Variants in KCNH1 observed in about 807,000 individuals in gnomAD.
The protein encoded by KCNH1 is potassium voltage-gated channel subfamily H member 1.
KCNH1 carries 27 observed loss-of-function variants against 69.2 expected under a neutral mutation model. The ratio of observed to expected loss-of-function variants is 0.39; its 90% CI spans 0.29 to 0.54. The LOEUF (loss-of-function observed/expected upper bound fraction) is 0.54, where lower values mean the gene tolerates loss of function less well. KCNH1 is among the 20% of genes least tolerant of loss of function. KCNH1 has a pLI of 0.68. For synonymous variants in KCNH1, 456 were observed against 487.7 expected (o/e 0.93, Z 0.86); for missense variants, 798 against 1,261.6 (o/e 0.63, Z 5.57).
intron 7 of KCNH1, among the ~76,000 whole-genome samples, chr1:210,834,261 A>G (rs941436907): frequency 6.0e-5 from 9 of 151,036 alleles, no homozygotes; most frequent in Non-Finnish European, 1.2e-4. Context: ...CACTATTCAC[A>G]ATAGCAAAGA....
chr1:211,035,335 G>A (rs1025637823), intron 5 of KCNH1, among the ~76,000 whole-genome samples: 4 of 129,128 alleles, frequency 3.1e-5, no homozygotes, highest in Admixed American at 9.2e-5. Flanking sequence ...TGCAAGCTCC[G>A]CCTCCCGGGT....
At chr1:210,988,248 C>T (rs1422568187) in intron 6 of KCNH1, among the ~76,000 whole-genome samples, 11 of 152,126 alleles carry the variant, frequency 7.2e-5, no homozygotes, top group African/African-American at 1.7e-4. Flanking sequence ...GGCAATGCCT[C>T]GCCCTGCTTC....
At chr1:210,824,696 G>T (rs892697409) in intron 7 of KCNH1, among the ~76,000 whole-genome samples, 3 of 152,168 alleles carry the variant, frequency 2.0e-5, no homozygotes, top group African/African-American at 4.8e-5. Context: ...GGTAACTAGG[G>T]ATAGTCTTCT....
chr1:210,709,077 C>G (rs1235235336), intron 10 of KCNH1, among the ~76,000 whole-genome samples: 3 of 152,116 alleles, frequency 2.0e-5, no homozygotes, highest in Non-Finnish European at 2.9e-5. Flanking sequence ...ATGGTGAAAC[C>G]CCACCTCTAC....
At chr1:210,998,524 G>A (rs1233009055) in intron 6 of KCNH1, among the ~76,000 whole-genome samples, 2 of 152,220 alleles carry the variant, frequency 1.3e-5, no homozygotes, top group African/African-American at 4.8e-5. Flanking sequence ...AGTCCTGAGA[G>A]ATCTACAAAG....
chr1:211,014,605 T>C (rs1318481471), intron 6 of KCNH1, among the ~76,000 whole-genome samples: 4 of 152,126 alleles, frequency 2.6e-5, no homozygotes, highest in Non-Finnish European at 4.4e-5. Context: ...GTGGCTCCAA[T>C]CTTTTCACTT....
chr1:210,981,043 T>A (rs1166479774), intron 6 of KCNH1, among the ~76,000 whole-genome samples: 1 of 152,150 alleles, frequency 6.6e-6, no homozygotes, highest in African/African-American at 2.4e-5. Flanking sequence ...ATAGGAACTC[T>A]TATATCCCTC....
rs1362032140 is a variant in KCNH1 at position 210,860,714 on chromosome 1, C to T, written c.1463-56548G>A. 1.9e-5 allele frequency: 15 copies of T among 778,706 alleles called. 1 individual carries two copies. The highest frequency in any genetic ancestry group is 3.1e-5 in the Non-Finnish European group (13 of 423,198). The allele number at this position is 778,706 out of a possible 1,614,324, so 48.2% of individuals were successfully genotyped here. The stretch of plus-strand genomic sequence containing the variant: ...GATTTTTCTTGATTGCTGATAAATA[C>T]TTGAAGGACAATGGCAGCTTCCACT... On this transcript the variant is annotated intron_variant, in intron 7 of 10. Transcript: ENST00000271751.
chr1:210,920,451 A>G (rs1444991625), intron 6 of KCNH1, among the ~76,000 whole-genome samples: 2 of 152,188 alleles, frequency 1.3e-5, no homozygotes, highest in East Asian at 1.9e-4. Flanking sequence ...TAAGGGTTGC[A>G]TAACATTTAT....
Position 210,744,732 on chromosome 1 carries a change from T to A in KCNH1, c.2112+30616A>T, listed in dbSNP as rs1340219037. On this transcript the variant is annotated intron_variant, in intron 10 of 10. Transcript: ENST00000271751. The stretch of plus-strand genomic sequence containing the variant: ...CTAATTCAGTTGATCTAGGGTGGGG[T>A]CATGAATTTACCTTTTTAATGAGGA... Among the ~76,000 whole-genome samples the A allele has an allele frequency of 2.6e-5, 4 of 151,758 alleles. 1 individual carries two copies. Among genetic ancestry groups the A allele is most frequent in the Admixed American group, 2.6e-4 (4 of 15,236 alleles).
intron 7 of KCNH1, among the ~76,000 whole-genome samples, chr1:210,899,945 A>C (rs1279718405): frequency 1.3e-5 from 2 of 152,192 alleles, no homozygotes; most frequent in Non-Finnish European, 2.9e-5. Flanking sequence ...ATTTCTAAAA[A>C]ACTAAATCCA....
chr1:210,709,996 CT>C (rs1682027116), intron 10 of KCNH1, among the ~76,000 whole-genome samples: 2 of 152,186 alleles, frequency 1.3e-5, no homozygotes, highest in Non-Finnish European at 2.9e-5. Flanking sequence ...GGAATACATT[CT>C]GATAAATGTG....
chr1:210,887,542 C>A (rs1165681499), intron 7 of KCNH1, among the ~76,000 whole-genome samples: 1 of 151,962 alleles, frequency 6.6e-6, no homozygotes, highest in Non-Finnish European at 1.5e-5. Context: ...TCACACATAA[C>A]CATATTAACC....
Position 211,104,902 on chromosome 1 carries a change from G to A in KCNH1, c.204-1300C>T, listed in dbSNP as rs534203071. 2.6e-5 allele frequency among the ~76,000 whole-genome samples: 4 copies of A among 152,260 alleles called. No individual in the cohort carries two copies. The South Asian group carries it at 6.2e-4, about 24-fold the overall frequency. On this transcript the variant is annotated intron_variant, in intron 2 of 10. Coordinates refer to ENST00000271751, the MANE Select transcript of KCNH1 (RefSeq NM_172362.3). The stretch of plus-strand genomic sequence containing the variant: ...CAAAGAACCTCAGGGGTTATCAAGT[G>A]CAATTTCTGATCTAAAACTGAACCA...
chr1:211,037,079 C>A (rs955541555), intron 5 of KCNH1, among the ~76,000 whole-genome samples: 11 of 152,180 alleles, frequency 7.2e-5, no homozygotes, highest in Non-Finnish European at 1.3e-4. Flanking sequence ...ACTGACTAAC[C>A]TATCACATTT....
chr1:210,701,457 A>T (rs369377362), intron 10 of KCNH1, among the ~76,000 whole-genome samples: 59 of 152,350 alleles, frequency 3.9e-4, no homozygotes, highest in African/African-American at 1.3e-3. Context: ...CTAAGGTCGC[A>T]AAGAAGTTTC....
Position 210,912,242 on chromosome 1 carries a change from A to C in KCNH1, c.1462+7398T>G, listed in dbSNP as rs533281699. Among the ~76,000 whole-genome samples, 5 of 152,208 alleles carry C rather than the reference A, an allele frequency of 3.3e-5. No homozygotes were observed. The South Asian group carries it at 1.0e-3, about 32-fold the overall frequency. On this transcript the variant is annotated intron_variant, in intron 7 of 10. Transcript: ENST00000271751. ...TTGTAGTCTTTTCTCCCTTTCACCA[A>C]GGGGATCACTCCTGCTGCTCCTGGT...
chr1:210,744,870 C>A (rs981476784), intron 10 of KCNH1, among the ~76,000 whole-genome samples: 1 of 152,028 alleles, frequency 6.6e-6, no homozygotes, highest in South Asian at 2.1e-4. Flanking sequence ...CAAAGCTACC[C>A]TGAGATGTAA....
At chr1:211,042,636 G>T (rs1453358971) in intron 5 of KCNH1, among the ~76,000 whole-genome samples, 1 of 152,138 alleles carries the variant, frequency 6.6e-6, no homozygotes, top group African/African-American at 2.4e-5. Context: ...GATATTTACA[G>T]AACATTCTAC....
Sources: allele counts gnomAD v4.1 joint callset (sites outside exome capture counted in the v4.1 genomes callset), GRCh38; gene constraint gnomAD v4.1.1; transcripts MANE v1.5; gene names NCBI Gene and HGNC (gene_info 2026-07-23, HGNC 2026-07-21).